RPAP2: variants seen among roughly 807,000 people sequenced by gnomAD.
RPAP2 encodes the protein putative RNA polymerase II subunit B1 CTD phosphatase RPAP2.
In RPAP2, 52 loss-of-function variants were observed where a neutral mutation model predicts 73.1. The observed-to-expected ratio is 0.71, with a 90% CI of 0.57 to 0.90. RPAP2 has a LOEUF of 0.90. RPAP2 is among the 40% of genes least tolerant of loss of function. RPAP2 has a pLI of 0.00. For missense variants in RPAP2, 598 were observed against 701.8 expected (o/e 0.85, Z 1.67); for synonymous variants, 225 against 242.1 (o/e 0.93, Z 0.65).
chr1:92,309,760 CTG>C (rs1412595721), intron 6 of RPAP2, among the ~76,000 whole-genome samples: 1 of 152,118 alleles, frequency 6.6e-6, no homozygotes, highest in African/African-American at 2.4e-5. Context: ...TAATGAGAAA[CTG>C]TGAGCAAAAG....
chr1:92,305,514 A>T (rs1360781289), intron 5 of RPAP2, among the ~76,000 whole-genome samples: 2 of 150,872 alleles, frequency 1.3e-5, no homozygotes, highest in African/African-American at 2.4e-5. Flanking sequence ...GGAAAATTAT[A>T]GGCCAAAGAG....
chr1:92,334,961 C>A (rs536061501), intron 9 of RPAP2, among the ~76,000 whole-genome samples: 8 of 152,172 alleles, frequency 5.3e-5, no homozygotes, highest in African/African-American at 1.9e-4. Flanking sequence ...GCACTCCAGC[C>A]TGAGCAACAG....
chr1:92,299,190 G>T (rs1302807456), intron 1 of RPAP2, 44 bp downstream of exon 1: 2 of 1,257,558 alleles, frequency 1.6e-6, no homozygotes, highest in Admixed American at 2.7e-5. Flanking sequence ...CTGAAAGCTG[G>T]GCCCCGATCT....
Position 92,311,249 on chromosome 1 carries a change from C to G in RPAP2, c.488+3973C>G, listed in dbSNP as rs548016181. Among the ~76,000 whole-genome samples the G allele has an allele frequency of 2.6e-5, 4 of 152,288 alleles. No individual in the cohort carries two copies. The East Asian group carries it at 7.7e-4, about 29-fold the overall frequency. On this transcript the variant is annotated intron_variant, in intron 6 of 12. Transcript: ENST00000610020. ...ATTTGTAAAAGGAAAAAGTTGCATT[C>G]AACTTCCGAGTTCCCTTTGGTTCTA...
intron 11 of RPAP2, among the ~76,000 whole-genome samples, chr1:92,375,469 T>A (rs573358500): frequency 1.2e-4 from 19 of 152,066 alleles, no homozygotes; most frequent in African/African-American, 4.6e-4. Flanking sequence ...CTGAGGCAGG[T>A]GGACTGCCTG....
At chr1:92,356,581 G>A (rs1654473281) in intron 11 of RPAP2, among the ~76,000 whole-genome samples, 2 of 94,962 alleles carry the variant, frequency 2.1e-5, no homozygotes, top group Middle Eastern at 5.3e-3. Context: ...ACCACTCCTG[G>A]CTAATTTTTT....
In RPAP2 at chr1:92,336,221, C is replaced by T; in HGVS notation, c.1539-126C>T. On this transcript the variant is annotated intron_variant, in intron 9 of 12. Transcript: ENST00000610020. ...CTCACCAATCATAACCTAGGTTAACCTTTAAATCATGACTGCTTCCATCTA... is the reference window on the plus strand; with the variant it reads ...CTCACCAATCATAACCTAGGTTAACTTTTAAATCATGACTGCTTCCATCTA... 5 of 668,260 alleles carry T rather than the reference C, an allele frequency of 7.5e-6. 1 individual carries two copies. In the South Asian group the frequency reaches 8.8e-5, roughly 12 times the overall value. 41.4% of individuals were successfully genotyped at this position (668,260 alleles called of 1,614,324 possible). A position where few individuals can be genotyped will look rare whatever the true frequency, so the allele number is the denominator to read the frequency against.
chr1:92,332,691 T>C lies in RPAP2; in HGVS notation c.1456-700T>C, dbSNP rs560395848. 6.7e-4 allele frequency among the ~76,000 whole-genome samples: 102 copies of C among 152,286 alleles called. 1 individual carries two copies. The highest frequency in any genetic ancestry group is 2.2e-3 in the African/African-American group (91 of 41,600). On this transcript the variant is annotated intron_variant, in intron 8 of 12. Coordinates refer to ENST00000610020, the MANE Select transcript of RPAP2 (RefSeq NM_024813.3). Reference sequence around the variant, plus strand: ...TATTTCCTATTCTTACTGTTATTCCTAGAGTATGGTCTTTCCAAGTCCTGG... The same window carrying C: ...TATTTCCTATTCTTACTGTTATTCCCAGAGTATGGTCTTTCCAAGTCCTGG...
intron 11 of RPAP2, among the ~76,000 whole-genome samples, chr1:92,374,569 A>G (rs1358654148): frequency 1.3e-5 from 2 of 152,184 alleles, no homozygotes; most frequent in Middle Eastern, 6.3e-3. Flanking sequence ...TTAGGGCAGT[A>G]TGTGTCCTAA....
intron 11 of RPAP2, among the ~76,000 whole-genome samples, chr1:92,360,426 T>C (rs1341951356): frequency 2.6e-5 from 4 of 152,164 alleles, no homozygotes; most frequent in Non-Finnish European, 5.9e-5. Flanking sequence ...TCTTTTCTTA[T>C]GGTTGGCAAA....
chr1:92,327,819 G>A (rs924695616), intron 8 of RPAP2, among the ~76,000 whole-genome samples: 11 of 151,742 alleles, frequency 7.2e-5, no homozygotes, highest in African/African-American at 2.7e-4. Context: ...AAGATTTATC[G>A]CTCCTTTAGC....
At chr1:92,350,856 C>T (rs1361679514) in intron 11 of RPAP2, among the ~76,000 whole-genome samples, 1 of 151,532 alleles carries the variant, frequency 6.6e-6, no homozygotes, top group Non-Finnish European at 1.5e-5. Flanking sequence ...CACTTGAACC[C>T]AGGAGGCAAA....
intron 10 of RPAP2, among the ~76,000 whole-genome samples, chr1:92,345,322 T>C (rs938627615): frequency 3.5e-5 from 5 of 142,126 alleles, no homozygotes; most frequent in African/African-American, 1.3e-4. Flanking sequence ...ACCATGATCA[T>C]GCCTATGAAG....
At position 92,381,457 on chromosome 1, in the gene RPAP2, T is replaced by C. The variant is rs191308816; in HGVS notation, c.1838+584T>C. On this transcript the variant is annotated intron_variant, in intron 12 of 12. Coordinates refer to ENST00000610020, the MANE Select transcript of RPAP2 (RefSeq NM_024813.3). ...TCCCTTCCTTGTCCTGCCTTAATTA[T>C]AACTTTCCATGTATTCCTTCCTTCT... is the stretch of plus-strand genomic sequence containing the variant. 2.0e-3 allele frequency among the ~76,000 whole-genome samples: 303 copies of C among 152,310 alleles called. 2 individuals are homozygous for C. Among genetic ancestry groups the C allele is most frequent in the Non-Finnish European group, 2.9e-3 (199 of 68,024 alleles).
rs928208851 is a variant in RPAP2 at position 92,393,670 on chromosome 1, A to G, written c.*6659A>G. ...CCCCATCAAAAAATGGGCAAAGGATATGAACAGATACTTCTCAAAAGAAGA... is the reference window on the plus strand; with the variant it reads ...CCCCATCAAAAAATGGGCAAAGGATGTGAACAGATACTTCTCAAAAGAAGA... On this transcript the variant is annotated 3_prime_UTR_variant, in exon 13 of 13. Transcript: ENST00000610020. The G allele has an allele frequency of 6.6e-6, 1 of 152,252 alleles. No individual in the cohort carries two copies. The highest frequency in any genetic ancestry group is 1.5e-5 in the Non-Finnish European group (1 of 68,042). 9.4% of individuals were successfully genotyped at this position (152,252 alleles called of 1,614,324 possible). A position where few individuals can be genotyped will look rare whatever the true frequency, so the allele number is the denominator to read the frequency against.
Position 92,371,061 on chromosome 1 carries a change from C to T in RPAP2, c.1689-9663C>T, listed in dbSNP as rs181917908. 2.5e-3 allele frequency among the ~76,000 whole-genome samples: 385 copies of T among 152,154 alleles called. 4 individuals carry two copies. The highest frequency in any genetic ancestry group is 9.3e-3 in the South Asian group (45 of 4,822). The stretch of plus-strand genomic sequence containing the variant: ...GTGGCTCATGCCTGTAATCCCAGCA[C>T]TTTGGGAGGCCAAGGTGGGTGGATC... On this transcript the variant is annotated intron_variant, in intron 11 of 12. Transcript: ENST00000610020.
chr1:92,304,387 T>C (rs773213806), intron 5 of RPAP2, 38 bp downstream of exon 5: 1 of 1,197,772 alleles, frequency 8.3e-7, no homozygotes, highest in Non-Finnish European at 1.2e-6. Flanking sequence ...ATTAATTTTT[T>C]TTCTTTACTA....
chr1:92,300,666 TCA>T (rs1242745651), intron 2 of RPAP2, among the ~76,000 whole-genome samples: 1 of 152,218 alleles, frequency 6.6e-6, no homozygotes, highest in East Asian at 1.9e-4. Context: ...TTACCACATA[TCA>T]CACAGAGTTT....
chr1:92,302,760 C>T (rs577270144), intron 3 of RPAP2, among the ~76,000 whole-genome samples: 5 of 151,758 alleles, frequency 3.3e-5, no homozygotes, highest in East Asian at 3.9e-4. Context: ...CCATTACGCC[C>T]GGCTAATTTT....
Sources: gnomAD v4.1 joint callset for allele counts (sites outside exome capture counted in the v4.1 genomes callset) on GRCh38, gnomAD v4.1.1 for gene constraint, MANE v1.5 for transcripts, NCBI Gene and HGNC (gene_info 2026-07-23, HGNC 2026-07-21) for gene names.